FAM13A: variants seen among roughly 807,000 people sequenced by gnomAD.
FAM13A encodes protein FAM13A.
In FAM13A, 76 loss-of-function variants were observed where a neutral mutation model predicts 129.6. That is an observed-to-expected ratio of 0.59 (90% CI 0.49 to 0.71). The LOEUF is 0.71. Among genes scored for constraint, FAM13A ranks in the 30% least tolerant of loss-of-function variants. FAM13A has a pLI of 0.00. For synonymous variants in FAM13A, 443 were observed against 449.9 expected (o/e 0.98, Z 0.20); for missense variants, 1,108 against 1,249.3 (o/e 0.89, Z 1.70).
chr4:88,729,445 TATTATTAAAGGGCAAATA>T (rs1236186786), intron 23 of FAM13A: 1 of 152,232 alleles, frequency 6.6e-6, no homozygotes, highest in Non-Finnish European at 1.5e-5. Context: ...TTCCTGCCTT[TATTATTAAAGGGCAAATA>T]TGGGTAAGGA....
intron 7 of FAM13A, among the ~76,000 whole-genome samples, chr4:88,837,017 G>A (rs77399952): frequency 0.07 from 10,605 of 151,500 alleles, 526 homozygotes; most frequent in African/African-American, 0.14. Context: ...TTTTTGAAAC[G>A]AAGTTTCACT....
At chr4:88,980,195 G>C (rs891911880) in intron 4 of FAM13A, among the ~76,000 whole-genome samples, 3 of 152,108 alleles carry the variant, frequency 2.0e-5, no homozygotes, top group African/African-American at 7.2e-5. Flanking sequence ...TGAGCATGCA[G>C]AGAAAACAAG....
At chr4:88,934,001 C>T (rs770984956) in intron 5 of FAM13A, among the ~76,000 whole-genome samples, 1 of 152,138 alleles carries the variant, frequency 6.6e-6, no homozygotes, top group Non-Finnish European at 1.5e-5. Context: ...TCCAACTGTA[C>T]TGGCCTCTCA....
At chr4:88,923,235 G>T (rs1306947550) in intron 5 of FAM13A, among the ~76,000 whole-genome samples, 1 of 152,160 alleles carries the variant, frequency 6.6e-6, no homozygotes, top group Non-Finnish European at 1.5e-5. Flanking sequence ...AAGCCTGGCA[G>T]AGACACAACA....
intron 6 of FAM13A, among the ~76,000 whole-genome samples, chr4:88,877,990 GAAATTTGGTAC>G (rs1213547657): frequency 6.6e-6 from 1 of 152,088 alleles, no homozygotes; most frequent in Non-Finnish European, 1.5e-5. Flanking sequence ...TATAGTTAAA[GAAATTTGGTAC>G]TTTTTGGCTG....
rs1442828847 is a variant in FAM13A, at chr4:88,951,884, T to C, written c.606-13643A>G. Among the ~76,000 whole-genome samples the C allele has an allele frequency of 2.6e-5, 4 of 152,348 alleles. 1 individual carries two copies. In the South Asian group the frequency reaches 6.2e-4, roughly 24 times the overall value. ...GGCAGGGAGTCTCTCCAACTCATCT[T>C]ATATTTCCAACAGAGCCTAGTACTA... is the stretch of plus-strand genomic sequence containing the variant. On this transcript the variant is annotated intron_variant, in intron 4 of 23. Transcript: ENST00000264344.
At chr4:88,909,196 T>G (rs1335728639) in intron 5 of FAM13A, among the ~76,000 whole-genome samples, 1 of 152,154 alleles carries the variant, frequency 6.6e-6, no homozygotes, top group African/African-American at 2.4e-5. Context: ...ACAATCCAAA[T>G]GCCCATTAAT....
chr4:88,773,926 C>T (rs1385372896), intron 11 of FAM13A, among the ~76,000 whole-genome samples: 3 of 152,142 alleles, frequency 2.0e-5, no homozygotes, highest in African/African-American at 7.2e-5. Flanking sequence ...TCTCAATCCT[C>T]TGTGGCTCCT....
chr4:88,953,391 G>T (rs1757255382), intron 4 of FAM13A, among the ~76,000 whole-genome samples: 1 of 152,102 alleles, frequency 6.6e-6, no homozygotes, highest in Non-Finnish European at 1.5e-5. Context: ...GAAGGCGGAG[G>T]TTGCAGTGAG....
At chr4:88,909,006 T>C (rs1028438061) in intron 5 of FAM13A, among the ~76,000 whole-genome samples, 4 of 152,352 alleles carry the variant, frequency 2.6e-5, no homozygotes, top group Non-Finnish European at 5.9e-5. Flanking sequence ...TAATGTATTC[T>C]TTTAAAATAT....
chr4:88,747,189 G>A (rs964258931), intron 18 of FAM13A, among the ~76,000 whole-genome samples, 174 bp from the exon 19 acceptor site: 10 of 152,128 alleles, frequency 6.6e-5, no homozygotes, highest in Non-Finnish European at 1.2e-4. Context: ...TGGGAGAAAC[G>A]TGGCCAGCAC....
intron 3 of FAM13A, among the ~76,000 whole-genome samples, chr4:89,019,971 T>C (rs1473020068): frequency 6.6e-6 from 1 of 152,102 alleles, no homozygotes; most frequent in East Asian, 1.9e-4. Context: ...TTCTCTAATG[T>C]TTTCTAAATT....
At chr4:88,952,603 A>T (rs1440509555) in intron 4 of FAM13A, among the ~76,000 whole-genome samples, 6 of 152,206 alleles carry the variant, frequency 3.9e-5, no homozygotes, top group African/African-American at 1.4e-4. Context: ...AGGTACATGT[A>T]GTTCATTCTA....
chr4:88,882,253 A>C (rs1743706510), intron 6 of FAM13A, among the ~76,000 whole-genome samples: 1 of 152,210 alleles, frequency 6.6e-6, no homozygotes, highest in African/African-American at 2.4e-5. Flanking sequence ...TAACCTCTAA[A>C]GGAAAACCTA....
At chr4:88,982,698 T>A (rs1393515089) in intron 4 of FAM13A, among the ~76,000 whole-genome samples, 2 of 152,216 alleles carry the variant, frequency 1.3e-5, no homozygotes, top group South Asian at 2.1e-4. Flanking sequence ...GATAAAGTAT[T>A]CAGAGGACTT....
chr4:88,747,800 C>T lies in FAM13A; in HGVS notation c.2213G>A (p.Arg738Gln), dbSNP rs145527843. Reference sequence around the variant, plus strand: ...AAAACTCTTGGGGAGTGTGTTGCTTCGCTGCCGCATCCTGGGAGTTAGGTC... The same window carrying T: ...AAAACTCTTGGGGAGTGTGTTGCTTTGCTGCCGCATCCTGGGAGTTAGGTC... ...EEDLTPRMRQ[R>Q]SNTLPKSFGS... The change falls in exon 18 of 24, where the codon CGA (arginine) becomes CAA (glutamine). Residue 738 changes from arginine to glutamine, a missense_variant. Coordinates refer to ENST00000264344, the MANE Select transcript of FAM13A (RefSeq NM_014883.4). 6 of 1,614,030 alleles carry T rather than the reference C, an allele frequency of 3.7e-6. No individual in the cohort carries two copies. In the African/African-American group the frequency reaches 4.0e-5, roughly 11 times the overall value.
At chr4:89,021,132 A>G (rs1444491262) in intron 2 of FAM13A, among the ~76,000 whole-genome samples, 1 of 152,234 alleles carries the variant, frequency 6.6e-6, no homozygotes, top group Non-Finnish European at 1.5e-5. Flanking sequence ...TTCAGTTATC[A>G]CTAAATTCAA....
intron 7 of FAM13A, among the ~76,000 whole-genome samples, chr4:88,840,056 G>A (rs562890863): frequency 1.8e-4 from 28 of 152,282 alleles, no homozygotes; most frequent in Non-Finnish European, 3.5e-4. Context: ...GAGAAGTCTC[G>A]AAAAGAAGAA....
intron 6 of FAM13A, among the ~76,000 whole-genome samples, chr4:88,904,136 C>A (rs776919137): frequency 3.9e-5 from 6 of 151,906 alleles, no homozygotes; most frequent in Admixed American, 6.6e-5. Flanking sequence ...GATGAGGTTG[C>A]AGAGAAAAAG....
Sources: allele counts gnomAD v4.1 joint callset (sites outside exome capture counted in the v4.1 genomes callset), GRCh38; gene constraint gnomAD v4.1.1; transcripts MANE v1.5; gene names NCBI Gene and HGNC (gene_info 2026-07-23, HGNC 2026-07-21).